Variants in RNF144B observed in about 807,000 individuals in gnomAD.
RNF144B encodes E3 ubiquitin-protein ligase RNF144B.
Under a neutral mutation model 40.2 loss-of-function variants are expected in RNF144B, and 25 were observed. The ratio of observed to expected loss-of-function variants is 0.62; its 90% confidence interval spans 0.45 to 0.87. The LOEUF (loss-of-function observed/expected upper bound fraction) is 0.87, where lower values mean the gene tolerates loss of function less well. Among genes scored for constraint, RNF144B ranks in the 40% least tolerant of loss-of-function variants. The probability of loss-of-function intolerance (pLI) is 0.00; values close to 1 mark genes in which losing one functional copy is unlikely to be tolerated. For missense variants in RNF144B, 365 were observed against 373.7 expected (o/e 0.98, Z 0.19); for synonymous variants, 145 against 136.3 (o/e 1.06, Z -0.44).
chr6:18,462,104 A>C (rs886463356), intron 6 of RNF144B, among the ~76,000 whole-genome samples: 2 of 152,156 alleles, frequency 1.3e-5, no homozygotes, highest in Admixed American at 1.3e-4. Flanking sequence ...AACACGAGTA[A>C]ACATTTTTCT....
At chr6:18,420,150 G>T (rs1253120071) in intron 2 of RNF144B, among the ~76,000 whole-genome samples, 2 of 45,290 alleles carry the variant, frequency 4.4e-5, no homozygotes, top group Admixed American at 6.8e-4. Flanking sequence ...TAGTGTTTCG[G>T]GTTTCTGATT....
chr6:18,451,122 C>T (rs1759201104), intron 4 of RNF144B, among the ~76,000 whole-genome samples: 1 of 152,194 alleles, frequency 6.6e-6, no homozygotes, highest in South Asian at 2.1e-4. Flanking sequence ...TTTGTTATCT[C>T]ATGGGATGCA....
At chr6:18,440,891 C>CA (rs139900981) in intron 4 of RNF144B, among the ~76,000 whole-genome samples, 3,219 of 142,572 alleles carry the variant, frequency 0.023, 53 homozygotes, top group African/African-American at 0.04. Flanking sequence ...CTAAATATAC[C>CA]AAAAAAAAAA....
intron 2 of RNF144B, among the ~76,000 whole-genome samples, chr6:18,423,360 G>GA (rs947631288): frequency 2.5e-4 from 37 of 150,900 alleles, no homozygotes; most frequent in Admixed American, 2.6e-4. Context: ...TTTTTTCTTA[G>GA]AAAAAAAAAC....
In RNF144B at chr6:18,442,916, C is replaced by T. The variant is rs946975766; in HGVS notation, c.331+3172C>T. On this transcript the variant is annotated intron_variant, in intron 4 of 7. Transcript: ENST00000259939. This position sits in a 1 kb window ranked among gnomAD's most constrained non-coding sequence, Gnocchi z 4.3. ...ATAACCTATTGTATGTTTTTAACGT[C>T]ATTTTGTTTATTCATCTGTTGATGG... is the stretch of plus-strand genomic sequence containing the variant. Among the ~76,000 whole-genome samples the T allele has an allele frequency of 1.3e-5, 2 of 152,106 alleles. No homozygotes were observed. Among genetic ancestry groups the T allele is most frequent in the Non-Finnish European group, 2.9e-5 (2 of 68,010 alleles).
intron 3 of RNF144B, among the ~76,000 whole-genome samples, chr6:18,428,528 C>T (rs780475630): frequency 1.3e-4 from 20 of 152,022 alleles, no homozygotes; most frequent in South Asian, 2.1e-4. Context: ...GTTCAATCAC[C>T]GGTTATTGGT....
In RNF144B at chr6:18,459,685, C is replaced by A. The variant is rs139497819; in HGVS notation, c.615C>A (p.Gly205=). The A allele has an allele frequency of 2.2e-5, 35 of 1,614,006 alleles. No individual in the cohort carries two copies. Among genetic ancestry groups the A allele is most frequent in the Non-Finnish European group, 2.8e-5 (33 of 1,180,002 alleles). ...GGGTTTATATCGAACGCAATGAAGG[C>A]TGCGCTCAGATGATGTGCAAAAACT... The part of the protein sequence containing the change: ...VCRVYIERNE[G]CAQMMCKNCK... Residue 205 remains glycine, a synonymous_variant, in exon 6 of 8, where the codon GGC becomes GGA. Coordinates refer to ENST00000259939, the MANE Select transcript of RNF144B (RefSeq NM_182757.4). This position sits in a 1 kb window ranked among gnomAD's most constrained non-coding sequence, Gnocchi z 4.2.
rs1323088715 is a variant in RNF144B at position 18,460,963 on chromosome 6, A to G, written c.681+1212A>G. Among the ~76,000 whole-genome samples the G allele has an allele frequency of 3.3e-5, 5 of 152,190 alleles. No homozygotes were observed. In the East Asian group the frequency reaches 7.7e-4, roughly 23 times the overall value. ...AGCCCTCAGTTACCATTGAGTTGCT[A>G]TTCTTTTCTCAGCTCTTTGTTTTGA... is the stretch of plus-strand genomic sequence containing the variant. On this transcript the variant is annotated intron_variant, in intron 6 of 7. Coordinates refer to ENST00000259939, the MANE Select transcript of RNF144B (RefSeq NM_182757.4). The surrounding 1 kb of genome is among the most constrained non-coding windows in gnomAD (Gnocchi z 4.4).
In RNF144B at chr6:18,443,791, A is replaced by G. The variant is rs1759018147; in HGVS notation, c.331+4047A>G. Among the ~76,000 whole-genome samples, 1 of 152,196 alleles carries G rather than the reference A, an allele frequency of 6.6e-6. No homozygotes were observed. The highest frequency in any genetic ancestry group is 6.5e-5 in the Admixed American group (1 of 15,274). On this transcript the variant is annotated intron_variant, in intron 4 of 7. Coordinates refer to ENST00000259939, the MANE Select transcript of RNF144B (RefSeq NM_182757.4). The surrounding 1 kb of genome is among the most constrained non-coding windows in gnomAD (Gnocchi z 4.7). ...CTCAAACTCGAGACCTTCATCAGCTAGGTGACTTTGAGACTATGTTGTGAA... is the reference window on the plus strand; with the variant it reads ...CTCAAACTCGAGACCTTCATCAGCTGGGTGACTTTGAGACTATGTTGTGAA...
intron 4 of RNF144B, among the ~76,000 whole-genome samples, chr6:18,440,409 A>T (rs9465142): frequency 1.3e-5 from 2 of 151,938 alleles, no homozygotes; most frequent in Admixed American, 1.3e-4. Flanking sequence ...GTATCTCAGA[A>T]GTAGGAAAAA....
Position 18,441,525 on chromosome 6 carries a change from T to G in RNF144B, c.331+1781T>G, listed in dbSNP as rs557259186. On this transcript the variant is annotated intron_variant, in intron 4 of 7. Coordinates refer to ENST00000259939, the MANE Select transcript of RNF144B (RefSeq NM_182757.4). The surrounding 1 kb of genome is among the most constrained non-coding windows in gnomAD (Gnocchi z 4.9). ...CTGCCCCATATGTCAGCAACAGGCC[T>G]TGTTCCTAATTGTTTACATTTTAGG... is the stretch of plus-strand genomic sequence containing the variant. 2.0e-5 allele frequency among the ~76,000 whole-genome samples: 3 copies of G among 152,358 alleles called. No individual in the cohort carries two copies. In the South Asian group the frequency reaches 6.2e-4, roughly 32 times the overall value.
intron 1 of RNF144B, among the ~76,000 whole-genome samples, chr6:18,393,752 A>C (rs1794634888): frequency 6.6e-6 from 1 of 152,030 alleles, no homozygotes; most frequent in African/African-American, 2.4e-5. Context: ...ATATGTCTCC[A>C]TTTTACAAGG....
At chr6:18,461,403 C>T (rs1759451860) in intron 6 of RNF144B, among the ~76,000 whole-genome samples, 2 of 152,054 alleles carry the variant, frequency 1.3e-5, no homozygotes, top group Non-Finnish European at 2.9e-5. Context: ...AAATGAAAAA[C>T]AATTTTTTTT....
chr6:18,464,872 G>A lies in RNF144B; in HGVS notation c.772-55G>A. The A allele has an allele frequency of 6.4e-7, 1 of 1,557,480 alleles. No homozygotes were observed. Among genetic ancestry groups the A allele is most frequent in the Non-Finnish European group, 8.8e-7 (1 of 1,131,114 alleles). On this transcript the variant is annotated intron_variant, in intron 7 of 7. Transcript: ENST00000259939. The surrounding 1 kb of genome is among the most constrained non-coding windows in gnomAD (Gnocchi z 6.1). ...GCAGATAACAGTATAGTTGGAATAA[G>A]TATACATATTGAAAGACTTAATTGC...
chr6:18,463,238 A>G (rs1046270226), intron 6 of RNF144B, 53 bp from the exon 7 acceptor site: 3 of 1,180,916 alleles, frequency 2.5e-6, no homozygotes, highest in Non-Finnish European at 3.8e-6. Context: ...GTCTGTATTC[A>G]TTTCTCAATT....
At position 18,464,412 on chromosome 6, in the gene RNF144B, A is replaced by G. The variant is rs772188336; in HGVS notation, c.772-515A>G. On this transcript the variant is annotated intron_variant, in intron 7 of 7. Transcript: ENST00000259939. The surrounding 1 kb of genome is among the most constrained non-coding windows in gnomAD (Gnocchi z 6.1). ...TTTGTATCTCTCTGGCTTCTCTCCA[A>G]TTCAGATCATTGCTGGGCACTAGCT... Among the ~76,000 whole-genome samples, 14 of 152,174 alleles carry G rather than the reference A, an allele frequency of 9.2e-5. No individual in the cohort carries two copies. Among genetic ancestry groups the G allele is most frequent in the Non-Finnish European group, 1.6e-4 (11 of 68,034 alleles).
In RNF144B at chr6:18,405,237, A is replaced by G. The variant is rs570380167; in HGVS notation, c.165+5538A>G. ...TGCCCAGGCTGGAGTGCAGTGGCACAATCTCGGCTCACTGTAACTTCCGCC... is the reference window on the plus strand; with the variant it reads ...TGCCCAGGCTGGAGTGCAGTGGCACGATCTCGGCTCACTGTAACTTCCGCC... On this transcript the variant is annotated intron_variant, in intron 2 of 7. Coordinates refer to ENST00000259939, the MANE Select transcript of RNF144B (RefSeq NM_182757.4). The surrounding 1 kb of genome is among the most constrained non-coding windows in gnomAD (Gnocchi z 4.5). Among the ~76,000 whole-genome samples the G allele has an allele frequency of 1.6e-3, 241 of 151,794 alleles. 2 individuals are homozygous for G. The highest frequency in any genetic ancestry group is 3.1e-3 in the South Asian group (15 of 4,816).
intron 2 of RNF144B, among the ~76,000 whole-genome samples, chr6:18,409,805 A>G (rs1794998444): frequency 6.6e-6 from 1 of 152,010 alleles, no homozygotes; most frequent in South Asian, 2.1e-4. Context: ...CCTGACCTCA[A>G]GTGACCTGCC....
chr6:18,409,375 C>CAAAAAAA (rs770011648), intron 2 of RNF144B, among the ~76,000 whole-genome samples: 1 of 59,560 alleles, frequency 1.7e-5, no homozygotes, highest in Non-Finnish European at 2.7e-5. Flanking sequence ...GAGACTGTCT[C>CAAAAAAA]AAAAAAAAAA....
Sources: allele counts gnomAD v4.1 joint callset (sites outside exome capture counted in the v4.1 genomes callset), GRCh38; gene constraint gnomAD v4.1.1; non-coding constraint Gnocchi (gnomAD v3.1); transcripts MANE v1.5; gene names NCBI Gene and HGNC (gene_info 2026-07-23, HGNC 2026-07-21).